The following AKAP6 variants were observed in gnomAD, a reference collection of about 807,000 sequenced individuals.
AKAP6 encodes A-kinase anchor protein 6.
AKAP6 carries 58 observed loss-of-function variants against 188.5 expected under a neutral mutation model. That is an observed-to-expected ratio of 0.31 (90% confidence interval 0.25 to 0.38). AKAP6 has a LOEUF of 0.38. AKAP6 is among the 10% of genes least tolerant of loss of function. The pLI is 1.00. For missense variants in AKAP6, 2,710 were observed against 2,740.0 expected, an observed-to-expected ratio of 0.99 and a Z score of 0.24; for synonymous variants, 989 against 998.6, an observed-to-expected ratio of 0.99 and a Z score of 0.18.
chr14:32,615,906 T>C (rs2139400527), intron 7 of AKAP6, among the ~76,000 whole-genome samples: 1 of 152,248 alleles, frequency 6.6e-6, no homozygotes, highest in East Asian at 1.9e-4. Context: ...AACCATTACT[T>C]TTTAACCTCT....
chr14:32,646,820 A>G (rs1888005226), intron 7 of AKAP6, among the ~76,000 whole-genome samples: 2 of 152,104 alleles, frequency 1.3e-5, no homozygotes, highest in Admixed American at 6.6e-5. Flanking sequence ...GCAATGGTGC[A>G]TGAAAAAAGG....
intron 7 of AKAP6, among the ~76,000 whole-genome samples, chr14:32,658,407 G>A (rs1377097280): frequency 6.6e-6 from 1 of 152,060 alleles, no homozygotes; most frequent in Non-Finnish European, 1.5e-5. Flanking sequence ...GTGTACTTCA[G>A]AAGTGATCAC....
rs368273598 is a variant in AKAP6, at chr14:32,823,004, G to C, written c.5191G>C (p.Asp1731His). 1 of 1,613,910 alleles carries C rather than the reference G, an allele frequency of 6.2e-7. No individual in the cohort carries two copies. Among genetic ancestry groups the C allele is most frequent in the Non-Finnish European group, 8.5e-7 (1 of 1,179,914 alleles). Reference protein sequence around the residue: ...RLTRSVADESDVNVSMIVNVS... With the variant: ...RLTRSVADESHVNVSMIVNVS... Reference sequence around the variant, plus strand: ...GACTCGTTCAGTGGCTGATGAAAGCGATGTCAATGTCAGCATGATTGTTAA... The same window carrying C: ...GACTCGTTCAGTGGCTGATGAAAGCCATGTCAATGTCAGCATGATTGTTAA... The change falls in exon 13 of 14, where the codon GAT becomes CAT. Residue 1731 changes from aspartate (D) to histidine (H), a missense_variant. By Grantham distance (81) the Asp-to-His change is moderately conservative (BLOSUM62 -1). Transcript: ENST00000280979.
intron 2 of AKAP6, among the ~76,000 whole-genome samples, chr14:32,461,592 T>C (rs1339453227): frequency 6.6e-6 from 1 of 151,970 alleles, no homozygotes; most frequent in Non-Finnish European, 1.5e-5. Context: ...GCCTCAAAGA[T>C]CAAAGGTAGA....
chr14:32,706,821 C>T (rs1271092538), intron 9 of AKAP6, among the ~76,000 whole-genome samples: 1 of 152,070 alleles, frequency 6.6e-6, no homozygotes, highest in Non-Finnish European at 1.5e-5. Flanking sequence ...ACACACTACA[C>T]ACACATGCAA....
chr14:32,631,529 A>G (rs1887273361), intron 7 of AKAP6, among the ~76,000 whole-genome samples: 1 of 152,072 alleles, frequency 6.6e-6, no homozygotes, highest in South Asian at 2.1e-4. Flanking sequence ...CAAAACCAGG[A>G]GAAATACATT....
At chr14:32,350,857 T>C (rs958649490) in intron 1 of AKAP6, among the ~76,000 whole-genome samples, 1 of 152,110 alleles carries the variant, frequency 6.6e-6, no homozygotes, top group African/African-American at 2.4e-5. Context: ...GGATGAGAAG[T>C]AGAACTTCTC....
chr14:32,394,520 G>A (rs17098969), intron 1 of AKAP6, among the ~76,000 whole-genome samples: 3,107 of 152,246 alleles, frequency 0.02, 105 homozygotes, highest in African/African-American at 0.07. Context: ...GCCGATGCAC[G>A]TGACAAATAG....
chr14:32,723,447 G>A (rs559395013), intron 9 of AKAP6, among the ~76,000 whole-genome samples: 47 of 152,176 alleles, frequency 3.1e-4, no homozygotes, highest in African/African-American at 1.1e-3. Flanking sequence ...GTAGTTGCCT[G>A]CAGATTCATA....
At chr14:32,797,440 G>A (rs939791699) in intron 12 of AKAP6, among the ~76,000 whole-genome samples, 1 of 152,208 alleles carries the variant, frequency 6.6e-6, no homozygotes, top group Non-Finnish European at 1.5e-5. Flanking sequence ...CCATAAAAAG[G>A]AATGAGACCA....
intron 2 of AKAP6, among the ~76,000 whole-genome samples, chr14:32,449,212 C>A (rs1024134189): frequency 6.6e-6 from 1 of 152,076 alleles, no homozygotes; most frequent in Non-Finnish European, 1.5e-5. Flanking sequence ...CCATTTACAT[C>A]AAGAATAAAT....
intron 2 of AKAP6, among the ~76,000 whole-genome samples, chr14:32,492,349 T>TAGAGAGAGAGAG (rs1182150833): frequency 1.7e-5 from 1 of 59,656 alleles, no homozygotes. Context: ...TATATATATA[T>TAGAGAGAGAGAG]ATATATAGAG....
intron 11 of AKAP6, among the ~76,000 whole-genome samples, chr14:32,765,649 G>A (rs1176045680): frequency 6.6e-6 from 1 of 151,106 alleles, no homozygotes; most frequent in Non-Finnish European, 1.5e-5. Flanking sequence ...GATGTATATG[G>A]CAGAATGTAT....
At chr14:32,395,933 T>G (rs956438379) in intron 1 of AKAP6, among the ~76,000 whole-genome samples, 1 of 152,178 alleles carries the variant, frequency 6.6e-6, no homozygotes, top group African/African-American at 2.4e-5. Flanking sequence ...ATTCTTTGCT[T>G]AACACTGTGC....
chr14:32,439,035 C>T (rs1218240598), intron 2 of AKAP6: 2 of 152,204 alleles, frequency 1.3e-5, no homozygotes, highest in Non-Finnish European at 2.9e-5. Flanking sequence ...CCAAAACCCA[C>T]ATTAGGTAGA....
intron 10 of AKAP6, chr14:32,734,039 A>G (rs1449506763): frequency 6.6e-6 from 1 of 152,168 alleles, no homozygotes; most frequent in Non-Finnish European, 1.5e-5. Flanking sequence ...AAAAAGAAAT[A>G]ATATTTAGCT....
At chr14:32,532,733 G>A (rs1882478697) in intron 2 of AKAP6, among the ~76,000 whole-genome samples, 1 of 152,192 alleles carries the variant, frequency 6.6e-6, no homozygotes, top group African/African-American at 2.4e-5. Flanking sequence ...TAGCATCAAA[G>A]TGAGATGCCA....
chr14:32,439,885 CT>C (rs1890513738), intron 2 of AKAP6, among the ~76,000 whole-genome samples: 1 of 152,136 alleles, frequency 6.6e-6, no homozygotes, highest in Non-Finnish European at 1.5e-5. Context: ...TCCAGCACAT[CT>C]TAAATATAAT....
intron 2 of AKAP6, among the ~76,000 whole-genome samples, chr14:32,459,234 G>A (rs985973486): frequency 5.9e-5 from 9 of 152,078 alleles, no homozygotes; most frequent in Non-Finnish European, 7.4e-5. Flanking sequence ...TGTATATGTG[G>A]GTAAGGGGGA....
Sources: gnomAD v4.1 joint callset for allele counts (sites outside exome capture counted in the v4.1 genomes callset) on GRCh38, gnomAD v4.1.1 for gene constraint, MANE v1.5 for transcripts, NCBI Gene and HGNC (gene_info 2026-07-23, HGNC 2026-07-21) for gene names.